Variants in PBRM1 observed in about 807,000 individuals in gnomAD.
PBRM1 encodes protein polybromo-1.
PBRM1 carries 27 observed loss-of-function variants against 194.5 expected under a neutral mutation model. That is an observed-to-expected ratio of 0.14 (90% CI 0.10 to 0.19). PBRM1 has a LOEUF of 0.19. PBRM1 is among the 10% of genes least tolerant of loss of function. PBRM1 has a pLI of 1.00. For missense variants in PBRM1, 1,466 were observed against 2,077.2 expected (o/e 0.71, Z 5.72); for synonymous variants, 655 against 693.2 (o/e 0.94, Z 0.87).
chr3:52,566,662 G>A (rs2085317438), intron 22 of PBRM1, among the ~76,000 whole-genome samples: 1 of 152,236 alleles, frequency 6.6e-6, no homozygotes, highest in South Asian at 2.1e-4. Flanking sequence ...GGGGGAAGGG[G>A]AAAATAAAGA....
intron 17 of PBRM1, among the ~76,000 whole-genome samples, chr3:52,599,442 G>A (rs1185439700): frequency 2.0e-5 from 3 of 151,988 alleles, no homozygotes; most frequent in Non-Finnish European, 4.4e-5. Flanking sequence ...TAAACATATA[G>A]ATGGTCAATA....
At chr3:52,662,300 A>C in intron 3 of PBRM1, 24 bp from the exon 5 acceptor site, 1 of 1,575,652 alleles carries the variant, frequency 6.3e-7, no homozygotes, top group Non-Finnish European at 8.6e-7. Flanking sequence ...AAGAGAAAAA[A>C]AAAAACACTT....
exon 4 of PBRM1, chr3:52,662,146 G>A: frequency 1.2e-6 from 2 of 1,613,978 alleles, no homozygotes; most frequent in Non-Finnish European, 1.7e-6. Context: ...TTCAGTCACT[G>A]TGCCCTGATT....
At chr3:52,681,997 G>C (rs922234987), upstream of PBRM1, 1 of 156,950 alleles carries the variant, frequency 6.4e-6, no homozygotes, top group Admixed American at 6.5e-5. Flanking sequence ...TGCTGCAAAG[G>C]CTCAGGCACT....
At chr3:52,646,461 A>T (rs1457309012) in intron 7 of PBRM1, among the ~76,000 whole-genome samples, 2 of 152,192 alleles carry the variant, frequency 1.3e-5, no homozygotes, top group African/African-American at 4.8e-5. Flanking sequence ...ATTGCTTTTT[A>T]TATTTATGAA....
chr3:52,552,081 C>G (rs554455572), intron 27 of PBRM1: 1 of 152,210 alleles, frequency 6.6e-6, no homozygotes, highest in African/African-American at 2.4e-5. Flanking sequence ...CCACCCGGAT[C>G]ACCAAAGTAG....
In PBRM1 at chr3:52,569,935, A is replaced by G. The variant is rs1012650082; in HGVS notation, c.3692-5702T>C. ...GCTAGTACCTCTAGAACAATGTTAA[A>G]TAAGTGTGATAAGGACATCCCTATT... On this transcript the variant is annotated intron_variant, in intron 22 of 29. Transcript: ENST00000296302. 3.3e-5 allele frequency among the ~76,000 whole-genome samples: 5 copies of G among 152,182 alleles called. No individual in the cohort carries two copies. The East Asian group carries it at 7.7e-4, about 23-fold the overall frequency.
intron 13 of PBRM1, among the ~76,000 whole-genome samples, chr3:52,623,008 G>A (rs1177426053): frequency 6.6e-6 from 1 of 152,122 alleles, no homozygotes; most frequent in African/African-American, 2.4e-5. Flanking sequence ...CAACTATGCA[G>A]ATGTAAAAAC....
chr3:52,637,773 C>CAAAATAAAAA (rs2095876814), intron 10 of PBRM1, among the ~76,000 whole-genome samples: 1 of 42,236 alleles, frequency 2.4e-5, no homozygotes, highest in African/African-American at 6.6e-5. Context: ...ACTAAAAATA[C>CAAAATAAAAA]AAAAAAAAAA....
At chr3:52,551,202 G>A (rs752647138) in intron 27 of PBRM1, among the ~76,000 whole-genome samples, 19 of 152,204 alleles carry the variant, frequency 1.2e-4, no homozygotes, top group East Asian at 1.9e-4. Context: ...AATGGCACTG[G>A]AATCAGGCTC....
intron 4 of PBRM1, among the ~76,000 whole-genome samples, chr3:52,659,350 G>T (rs35198201): frequency 6.6e-6 from 1 of 151,886 alleles, no homozygotes; most frequent in Non-Finnish European, 1.5e-5. Context: ...TTTTTTTTCT[G>T]GTTTAAATCA....
At position 52,609,657 on chromosome 3, in the gene PBRM1, C is replaced by T. The variant is rs759730545; in HGVS notation, c.2223G>A (p.Pro741=). 109 of 1,612,716 alleles carry T rather than the reference C, an allele frequency of 6.8e-5. No individual in the cohort carries two copies. The Admixed American group carries it at 1.5e-3, about 22-fold the overall frequency. The change falls in exon 16 of 30, where the codon CCG becomes CCA. Residue 741 remains proline (P), a synonymous_variant. Coordinates refer to ENST00000296302, the Ensembl canonical transcript of PBRM1. This position sits in a 1 kb window ranked among gnomAD's most constrained non-coding sequence, Gnocchi z 4.1. The stretch of plus-strand genomic sequence containing the variant: ...GAGCATCTTTGTAGATCAAAGACTC[C>T]GGCTCATTGTATGTACAGGCATTAT...
intron 5 of PBRM1, among the ~76,000 whole-genome samples, chr3:52,654,841 G>A (rs560398462): frequency 1.3e-5 from 2 of 152,182 alleles, no homozygotes; most frequent in Non-Finnish European, 2.9e-5. Flanking sequence ...AGGTTGGAGT[G>A]AAGTGGCATG....
chr3:52,651,879 C>A, intron 5 of PBRM1, 69 bp from the exon 7 acceptor site: 1 of 1,004,162 alleles, frequency 1.0e-6, no homozygotes. Flanking sequence ...GAAGGAAGTA[C>A]ATTGACAATC....
intron 22 of PBRM1, among the ~76,000 whole-genome samples, chr3:52,571,626 CAAAAAAAAA>C (rs778993265): frequency 5.2e-5 from 2 of 38,706 alleles, no homozygotes; most frequent in African/African-American, 1.0e-4. Flanking sequence ...AACTCCATCT[CAAAAAAAAA>C]AAAAAAAAAA....
intron 7 of PBRM1, among the ~76,000 whole-genome samples, chr3:52,645,521 T>C (rs2096266094): frequency 1.3e-5 from 2 of 151,930 alleles, no homozygotes; most frequent in South Asian, 2.1e-4. Context: ...TTTTTTTTTT[T>C]TCCTTTCTTA....
exon 24 of PBRM1, chr3:52,563,283 C>T (rs746447270): frequency 3.7e-6 from 6 of 1,611,588 alleles, no homozygotes; most frequent in Non-Finnish European, 5.1e-6. Flanking sequence ...TCACCTTCAC[C>T]TGTGGGGGTG....
At chr3:52,600,088 AG>A (rs1370062825) in intron 17 of PBRM1, among the ~76,000 whole-genome samples, 1 of 152,148 alleles carries the variant, frequency 6.6e-6, no homozygotes, top group Non-Finnish European at 1.5e-5. Context: ...TTGCATTTAT[AG>A]AATGTGTAAT....
exon 12 of PBRM1, chr3:52,629,034 T>C (rs2153598083): frequency 1.2e-6 from 2 of 1,600,288 alleles, no homozygotes; most frequent in Non-Finnish European, 1.7e-6. Flanking sequence ...TTCAGTTTTG[T>C]TCTGTGAAAG....
Sources: gnomAD v4.1 joint callset for allele counts (sites outside exome capture counted in the v4.1 genomes callset) on GRCh38, gnomAD v4.1.1 for gene constraint, Gnocchi (gnomAD v3.1) non-coding constraint, MANE v1.5 for transcripts, NCBI Gene and HGNC (gene_info 2026-07-23, HGNC 2026-07-21) for gene names.